The following SLC2A5 variants were observed in gnomAD, a reference collection of about 807,000 sequenced individuals.
The protein encoded by SLC2A5 is solute carrier family 2 member 5.
Under a neutral mutation model 50.3 loss-of-function variants are expected in SLC2A5, and 56 were observed. The observed-to-expected ratio is 1.11, with a 90% CI of 0.90 to 1.39. The LOEUF (loss-of-function observed/expected upper bound fraction) is 1.39. SLC2A5 is among the 40% of genes most tolerant of loss of function. SLC2A5 has a pLI of 0.00. For missense variants in SLC2A5, 566 were observed against 650.1 expected (o/e 0.87, Z 1.41); for synonymous variants, 269 against 281.9 (o/e 0.95, Z 0.46).
chr1:9,053,864 ACT>A (rs1641688790), intron 3 of SLC2A5, among the ~76,000 whole-genome samples: 1 of 151,004 alleles, frequency 6.6e-6, no homozygotes, highest in African/African-American at 2.4e-5. Flanking sequence ...ACAGAGCAAG[ACT>A]CTGTCTCAAA....
At chr1:9,091,464 A>G (rs1642461502), upstream of SLC2A5, among the ~76,000 whole-genome samples, 1 of 152,150 alleles carries the variant, frequency 6.6e-6, no homozygotes, top group African/African-American at 2.4e-5. Flanking sequence ...ACAAAAGCTC[A>G]CGTTCTATGA....
chr1:9,055,888 C>A (rs1318713504), intron 3 of SLC2A5, among the ~76,000 whole-genome samples: 4 of 152,172 alleles, frequency 2.6e-5, no homozygotes, highest in African/African-American at 9.7e-5. Context: ...TGCACTCCAG[C>A]CTGGGCGTCA....
intron 8 of SLC2A5, 75 bp from the exon 9 acceptor site, chr1:9,039,004 T>C: frequency 6.5e-7 from 1 of 1,538,996 alleles, no homozygotes; most frequent in Non-Finnish European, 8.8e-7. Context: ...ATGGGGCAGC[T>C]GTGAGGAGAG....
rs201185227 is a variant in SLC2A5, at chr1:9,047,778, T to C, written c.294-44A>G. On this transcript the variant is annotated intron_variant, in intron 3 of 11. Transcript: ENST00000377424. ...CAGTTAGTTTTGCTGAAGAATTCAC[T>C]CTTTCATTCAAGAAATGTTTCTGGA... 931 of 1,601,294 alleles carry C rather than the reference T, an allele frequency of 5.8e-4. 6 individuals are homozygous for C. Among genetic ancestry groups the C allele is most frequent in the Non-Finnish European group, 1.2e-4 (146 of 1,171,856 alleles).
intron 2 of SLC2A5, among the ~76,000 whole-genome samples, chr1:9,082,191 G>A (rs1642362557): frequency 6.6e-6 from 1 of 152,136 alleles, no homozygotes; most frequent in South Asian, 2.1e-4. Flanking sequence ...AAAACAGTTT[G>A]GTGGTTCCTC....
At chr1:9,078,103 C>T (rs1012900329) in intron 2 of SLC2A5, among the ~76,000 whole-genome samples, 2 of 152,074 alleles carry the variant, frequency 1.3e-5, no homozygotes, top group Middle Eastern at 3.2e-3. Context: ...GAGGGCTCCT[C>T]CCGCTTTTAG....
rs571214529 is a variant in SLC2A5 at position 9,043,329 on chromosome 1, C to G, written c.419-1392G>C. ...TTGGCAATTCTACCCACAGATGTCTCTGCTCAGTATTTGAAAAGAGACATC... is the reference window on the plus strand; with the variant it reads ...TTGGCAATTCTACCCACAGATGTCTGTGCTCAGTATTTGAAAAGAGACATC... On this transcript the variant is annotated intron_variant, in intron 4 of 11. Transcript: ENST00000377424. Among the ~76,000 whole-genome samples, 257 of 152,304 alleles carry G rather than the reference C, an allele frequency of 1.7e-3. 3 individuals carry two copies. Among genetic ancestry groups the G allele is most frequent in the African/African-American group, 5.9e-3 (247 of 41,566 alleles).
upstream of SLC2A5, chr1:9,073,148 GC>G (rs2124466311): frequency 6.6e-6 from 1 of 152,298 alleles, no homozygotes; most frequent in South Asian, 2.1e-4. Flanking sequence ...GTCACTACTG[GC>G]CTCACCTCTG....
intron 10 of SLC2A5, 72 bp downstream of exon 10, chr1:9,038,359 A>C (rs1641191564): frequency 6.2e-6 from 7 of 1,125,732 alleles, no homozygotes; most frequent in Non-Finnish European, 9.5e-6. Flanking sequence ...TGGTATCTCT[A>C]AGGAGCTCCA....
intron 3 of SLC2A5, among the ~76,000 whole-genome samples, chr1:9,056,239 G>A (rs1641746845): frequency 6.6e-6 from 1 of 152,136 alleles, no homozygotes; most frequent in Admixed American, 6.5e-5. Context: ...AGGCTGGAGT[G>A]CGATGGTGCG....
chr1:9,075,742 C>A (rs1191281220), intron 2 of SLC2A5, among the ~76,000 whole-genome samples: 2 of 152,056 alleles, frequency 1.3e-5, no homozygotes, highest in Admixed American at 6.6e-5. Flanking sequence ...CTCACTGTAA[C>A]CTCGGCCTCC....
At chr1:9,038,546 G>C in intron 9 of SLC2A5, 40 bp from the exon 10 acceptor site, 1 of 1,556,324 alleles carries the variant, frequency 6.4e-7, no homozygotes, top group Non-Finnish European at 8.8e-7. Flanking sequence ...GAGCAGACAA[G>C]CTAGGACGGG....
At chr1:9,068,449 CTTTT>C (rs34032446) in intron 1 of SLC2A5, among the ~76,000 whole-genome samples, 5 of 117,382 alleles carry the variant, frequency 4.3e-5, no homozygotes, top group Admixed American at 8.8e-5. Context: ...CAGGCCCACT[CTTTT>C]TTTTTTTTTT....
At position 9,069,485 on chromosome 1, in the gene SLC2A5, C is replaced by A. The variant is rs367750545; in HGVS notation, c.33+19G>T. On this transcript the variant is annotated intron_variant, in intron 1 of 11. Transcript: ENST00000377424. ...AGCCAAGCCTGCTCTTGGCCCCTTTCCCTGAGCAACACACTCACCCCTTCC... is the reference window on the plus strand; with the variant it reads ...AGCCAAGCCTGCTCTTGGCCCCTTTACCTGAGCAACACACTCACCCCTTCC... 1.2e-6 allele frequency: 2 copies of A among 1,613,596 alleles called. No individual in the cohort carries two copies. Among genetic ancestry groups the A allele is most frequent in the African/African-American group, 2.7e-5 (2 of 74,930 alleles).
intron 1 of SLC2A5, among the ~76,000 whole-genome samples, chr1:9,065,280 A>G (rs971482647): frequency 2.3e-4 from 35 of 152,026 alleles, no homozygotes; most frequent in Non-Finnish European, 7.4e-5. Context: ...ATTTTGCTAC[A>G]GTTTCTTTTT....
intron 1 of SLC2A5, among the ~76,000 whole-genome samples, chr1:9,058,846 T>A (rs1641828723): frequency 6.6e-6 from 1 of 152,166 alleles, no homozygotes; most frequent in Non-Finnish European, 1.5e-5. Flanking sequence ...AATTCATTAG[T>A]AATGAAGAGC....
At chr1:9,069,761 C>T (rs1642174453), upstream of SLC2A5, 1 of 577,970 alleles carries the variant, frequency 1.7e-6, no homozygotes, top group Non-Finnish European at 3.1e-6. Flanking sequence ...TAAGTGGGTG[C>T]CCCCTGGGGA....
intron 3 of SLC2A5, among the ~76,000 whole-genome samples, chr1:9,055,320 A>T (rs932745286): frequency 1.3e-5 from 2 of 152,146 alleles, no homozygotes; most frequent in South Asian, 2.1e-4. Context: ...ATTTGAGACC[A>T]GCCTGGCCAA....
upstream of SLC2A5, among the ~76,000 whole-genome samples, chr1:9,090,118 G>T (rs1454208190): frequency 6.6e-6 from 1 of 152,052 alleles, no homozygotes; most frequent in Non-Finnish European, 1.5e-5. Flanking sequence ...ATTCCTCACT[G>T]TCCCACTCCT....
Sources: allele counts gnomAD v4.1 joint callset (sites outside exome capture counted in the v4.1 genomes callset), GRCh38; gene constraint gnomAD v4.1.1; transcripts MANE v1.5; gene names NCBI Gene and HGNC (gene_info 2026-07-23, HGNC 2026-07-21).